The following VPS13D variants were observed in gnomAD, a reference collection of about 807,000 sequenced individuals.
VPS13D encodes the protein intermembrane lipid transfer protein VPS13D.
In VPS13D, 187 loss-of-function variants were observed where a neutral mutation model predicts 461.9. That is an observed-to-expected ratio of 0.40 (90% confidence interval 0.36 to 0.46). The LOEUF (loss-of-function observed/expected upper bound fraction) is 0.46, where lower values mean the gene tolerates loss of function less well. VPS13D is among the 20% of genes least tolerant of loss of function. The pLI is 0.60. For synonymous variants in VPS13D, 1,951 were observed against 1,986.3 expected (o/e 0.98, Z 0.47); for missense variants, 4,711 against 5,364.9 (o/e 0.88, Z 3.81).
Position 12,385,297 on chromosome 1 carries a change from A to T in VPS13D, c.11408A>T (p.Tyr3803Phe), listed in dbSNP as rs1405653609. The part of the protein sequence containing the change: ...DFCHRKSSRS[Y>F]EVDELPVTEQ... ...TGCCACCGGAAAAGCAGCCGTTCAT[A>T]TGAAGTGGATGAACTTCCTGTCACC... The change falls in exon 59 of 70, where the codon TAT becomes TTT. Residue 3803 changes from tyrosine to phenylalanine, a missense_variant. Tyr to Phe is a conservative substitution (Grantham distance 22). This residue lies in a region of VPS13D where 4,411 missense variants were observed against 4,937.8 expected (regional missense o/e 0.89). Transcript: ENST00000620676. 4.3e-6 allele frequency: 7 copies of T among 1,614,020 alleles called. No homozygotes were observed. The highest frequency in any genetic ancestry group is 5.1e-6 in the Non-Finnish European group (6 of 1,179,902).
chr1:12,367,398 C>T (rs1451450710), intron 52 of VPS13D, among the ~76,000 whole-genome samples: 1 of 152,030 alleles, frequency 6.6e-6, no homozygotes, highest in Admixed American at 6.6e-5. Flanking sequence ...ATCCAGCAGG[C>T]CTCTTTTTTG....
At chr1:12,465,473 T>G (rs1478528622) in intron 67 of VPS13D, among the ~76,000 whole-genome samples, 1 of 152,202 alleles carries the variant, frequency 6.6e-6, no homozygotes, top group Admixed American at 6.5e-5. Context: ...GATCAGTGTT[T>G]AAGAATACAG....
intron 23 of VPS13D, 95 bp from the exon 24 acceptor site, chr1:12,293,428 TG>T: frequency 8.4e-7 from 1 of 1,186,216 alleles, no homozygotes; most frequent in Non-Finnish European, 1.2e-6. Context: ...TAATTAAAGC[TG>T]GTTTTAGGGA....
intron 67 of VPS13D, among the ~76,000 whole-genome samples, chr1:12,485,234 C>T (rs1460323209): frequency 6.6e-6 from 1 of 152,226 alleles, no homozygotes; most frequent in Admixed American, 6.5e-5. Context: ...GCTTCAGCAA[C>T]ATTGAGGACT....
rs745420609 is a variant in VPS13D, at chr1:12,329,905, C to G, written c.8274C>G (p.Asn2758Lys). ...TCACCCTTTCTGGAGATTATTATAA[C>G]CGTGCTCTTTCAGGTCAGTATAAAG... ...AHFTLSGDYY[N>K]RALSGWEPFI... Residue 2758 changes from asparagine (N) to lysine (K), a missense_variant, in exon 37 of 70, where the codon AAC becomes AAG. This residue lies in a region of VPS13D where 4,411 missense variants were observed against 4,937.8 expected (regional missense o/e 0.89). Transcript: ENST00000620676. 6.2e-7 allele frequency: 1 copy of G among 1,613,652 alleles called. No homozygotes were observed.
chr1:12,281,033 T>C (rs1641763309), intron 20 of VPS13D, among the ~76,000 whole-genome samples: 1 of 152,030 alleles, frequency 6.6e-6, no homozygotes, highest in Non-Finnish European at 1.5e-5. Flanking sequence ...TGATTCCACT[T>C]ATGAAGATTT....
intron 1 of VPS13D, among the ~76,000 whole-genome samples, chr1:12,231,414 A>G (rs1156794698): frequency 2.0e-5 from 3 of 152,208 alleles, no homozygotes; most frequent in African/African-American, 7.2e-5. Context: ...TTGCCTCACA[A>G]TGCTAATCAC....
chr1:12,378,388 A>G (rs746215219), intron 55 of VPS13D, 40 bp from the exon 56 acceptor site: 8 of 1,528,344 alleles, frequency 5.2e-6, no homozygotes, highest in Non-Finnish European at 6.2e-6. Context: ...GTGGCTGCCC[A>G]TAATGGCTCT....
Position 12,282,602 on chromosome 1 carries a change from CA to C in VPS13D, c.4603-102del. On this transcript the variant is annotated intron_variant, in intron 20 of 69. Coordinates refer to ENST00000620676, the MANE Select transcript of VPS13D (RefSeq NM_015378.4). ...ATAGTCTTTGCTATCAGGTAACTTACAGCCTCATGTAGGAATCATGTGGCAA... is the reference window on the plus strand; with the variant it reads ...ATAGTCTTTGCTATCAGGTAACTTACGCCTCATGTAGGAATCATGTGGCAA... 13 of 1,132,724 alleles carry C rather than the reference CA, an allele frequency of 1.1e-5. 1 individual carries two copies. The South Asian group carries it at 2.0e-4, about 17-fold the overall frequency. 70.2% of individuals were successfully genotyped at this position (1,132,724 alleles called of 1,614,324 possible).
At chr1:12,318,623 C>T (rs1467104536) in intron 31 of VPS13D, among the ~76,000 whole-genome samples, 1 of 152,016 alleles carries the variant, frequency 6.6e-6, no homozygotes, top group African/African-American at 2.4e-5. Context: ...TTCCAGTGTA[C>T]AGTCTGTCTG....
chr1:12,235,597 A>T (rs1484507127), intron 2 of VPS13D, among the ~76,000 whole-genome samples: 1 of 152,092 alleles, frequency 6.6e-6, no homozygotes, highest in African/African-American at 2.4e-5. Context: ...AATAAAAAAA[A>T]AGTGTTGCTT....
intron 47 of VPS13D, 64 bp downstream of exon 47, chr1:12,354,285 AT>A (rs1413858157): frequency 2.4e-5 from 38 of 1,576,216 alleles, no homozygotes; most frequent in Non-Finnish European, 3.3e-5. Context: ...GTATTTTGTG[AT>A]TATTTATTTG....
chr1:12,400,861 G>A (rs1238022156), intron 61 of VPS13D, among the ~76,000 whole-genome samples: 2 of 152,014 alleles, frequency 1.3e-5, no homozygotes, highest in African/African-American at 4.8e-5. Context: ...GCAGGCTGAG[G>A]TGGGAGGTCC....
rs1644559193 is a variant in VPS13D, at chr1:12,400,387, T to C, written c.11784+57T>C. On this transcript the variant is annotated intron_variant, in intron 61 of 69. Transcript: ENST00000620676. ...GCCATGCTGGAACGTTGATTTGTTC[T>C]CTCACAGCCAAGTCTCAGAGCAGCA... 8 of 1,592,802 alleles carry C rather than the reference T, an allele frequency of 5.0e-6. No individual in the cohort carries two copies. In the Admixed American group the frequency reaches 1.2e-4, roughly 24 times the overall value.
intron 63 of VPS13D, among the ~76,000 whole-genome samples, chr1:12,408,776 T>C (rs1175799659): frequency 6.6e-6 from 1 of 152,236 alleles, no homozygotes; most frequent in Admixed American, 6.5e-5. Context: ...GCCTTATCTT[T>C]GTAGCATCCT....
intron 63 of VPS13D, among the ~76,000 whole-genome samples, chr1:12,412,859 G>A (rs983750457): frequency 1.2e-4 from 18 of 152,070 alleles, no homozygotes; most frequent in African/African-American, 4.3e-4. Context: ...AGAGTAGTAA[G>A]ATAAGTCACA....
At chr1:12,500,245 A>G (rs943834828) in intron 68 of VPS13D, 3 of 982,100 alleles carry the variant, frequency 3.1e-6, no homozygotes, top group African/African-American at 1.8e-5. Context: ...GGCCAGCTGA[A>G]AAGTCTTCAC....
In VPS13D at chr1:12,373,867, G is replaced by A. The variant is rs753452770; in HGVS notation, c.10917+9G>A. On this transcript the variant is annotated intron_variant, in intron 55 of 69. Transcript: ENST00000620676. ...TCATTTTAAAAAAGAAGGTAAGAGA[G>A]CTTACAATCAGAGTTTAGAATACAA... 3 of 1,596,956 alleles carry A rather than the reference G, an allele frequency of 1.9e-6. No homozygotes were observed. Among genetic ancestry groups the A allele is most frequent in the East Asian group, 2.3e-5 (1 of 43,394 alleles).
intron 50 of VPS13D, among the ~76,000 whole-genome samples, chr1:12,360,820 C>T (rs992837709): frequency 3.3e-5 from 5 of 152,136 alleles, no homozygotes; most frequent in Admixed American, 1.3e-4. Context: ...AAGTGAATTA[C>T]GGCATTTACA....
Sources: gnomAD v4.1 joint callset for allele counts (sites outside exome capture counted in the v4.1 genomes callset) on GRCh38, gnomAD v4.1.1 for gene constraint, gnomAD v4.1.1 regional missense constraint, MANE v1.5 for transcripts, NCBI Gene and HGNC (gene_info 2026-07-23, HGNC 2026-07-21) for gene names.